The following RBMS1 variants were observed in gnomAD, a reference collection of about 807,000 sequenced individuals.
The protein encoded by RBMS1 is RNA-binding motif, single-stranded-interacting protein 1.
Under a neutral mutation model 62.3 loss-of-function variants are expected in RBMS1, and 17 were observed. The observed-to-expected ratio is 0.27, with a 90% confidence interval of 0.19 to 0.41. The LOEUF is 0.41. Ranked by LOEUF, RBMS1 falls within the 10% of genes least tolerant of loss-of-function variation. The pLI is 1.00. For missense variants in RBMS1, 334 were observed against 504.5 expected (o/e 0.66, Z 3.24); for synonymous variants, 172 against 170.0 (o/e 1.01, Z -0.09).
intron 1 of RBMS1, among the ~76,000 whole-genome samples, chr2:160,381,832 G>GCCTT (rs1276994174): frequency 6.6e-6 from 1 of 152,202 alleles, no homozygotes; most frequent in East Asian, 1.9e-4. Flanking sequence ...GAGTGACACG[G>GCCTT]CCTTCCTTCC....
intron 1 of RBMS1, among the ~76,000 whole-genome samples, chr2:160,408,161 C>T (rs1211707187): frequency 6.6e-6 from 1 of 151,896 alleles, no homozygotes; most frequent in Non-Finnish European, 1.5e-5. Context: ...AGCCAACCCC[C>T]CTCCTCTGTT....
intron 6 of RBMS1, among the ~76,000 whole-genome samples, chr2:160,292,918 G>A (rs995894645): frequency 6.6e-6 from 1 of 152,152 alleles, no homozygotes; most frequent in Non-Finnish European, 1.5e-5. Context: ...CTGCAAGACC[G>A]CCCTTGCCCC....
At chr2:160,397,181 C>T (rs1695193940) in intron 1 of RBMS1, among the ~76,000 whole-genome samples, 1 of 151,974 alleles carries the variant, frequency 6.6e-6, no homozygotes, top group Non-Finnish European at 1.5e-5. Flanking sequence ...TTGAGTCATC[C>T]TTGCACTCAT....
At chr2:160,486,315 G>A (rs1308270754) in intron 1 of RBMS1, among the ~76,000 whole-genome samples, 2 of 151,930 alleles carry the variant, frequency 1.3e-5, no homozygotes, top group African/African-American at 4.8e-5. Flanking sequence ...ACTCAAGTTC[G>A]GAGCATGGCA....
At chr2:160,336,433 T>G (rs1358075197) in intron 2 of RBMS1, among the ~76,000 whole-genome samples, 1 of 152,132 alleles carries the variant, frequency 6.6e-6, no homozygotes, top group Non-Finnish European at 1.5e-5. Context: ...GAACAGGATA[T>G]TGTATCCTGG....
chr2:160,402,138 T>TAAC (rs60400069), intron 1 of RBMS1: 118,322 of 151,406 alleles, frequency 0.78, 46,704 homozygotes, highest in East Asian at 0.92. Flanking sequence ...TTAGAAGGAT[T>TAAC]AACAACTACC....
chr2:160,385,671 T>A lies in RBMS1; in HGVS notation c.76-18280A>T, dbSNP rs114433230. On this transcript the variant is annotated intron_variant, in intron 1 of 13. Transcript: ENST00000348849. ...TCACTTAGGACAACTGAGAAGAGCA[T>A]CAGGAAGGGAATGTAGAGATGCCCA... 9.9e-3 allele frequency among the ~76,000 whole-genome samples: 1,501 copies of A among 152,294 alleles called. 15 individuals are homozygous for A. The highest frequency in any genetic ancestry group is 0.04 in the South Asian group (195 of 4,828).
At chr2:160,335,365 T>C (rs1475302034) in intron 2 of RBMS1, among the ~76,000 whole-genome samples, 1 of 152,142 alleles carries the variant, frequency 6.6e-6, no homozygotes, top group African/African-American at 2.4e-5. Flanking sequence ...GATTCACCAA[T>C]GGGCTGAGAT....
At chr2:160,392,715 G>A (rs1172537749) in intron 1 of RBMS1, among the ~76,000 whole-genome samples, 1 of 152,132 alleles carries the variant, frequency 6.6e-6, no homozygotes, top group Admixed American at 6.5e-5. Flanking sequence ...AACATAGTGA[G>A]ATCTTATCTC....
chr2:160,480,842 G>A (rs1418102196), intron 1 of RBMS1, among the ~76,000 whole-genome samples: 1 of 152,038 alleles, frequency 6.6e-6, no homozygotes, highest in Non-Finnish European at 1.5e-5. Flanking sequence ...TCCACTGGGA[G>A]GCCGAGGTGA....
intron 1 of RBMS1, among the ~76,000 whole-genome samples, chr2:160,455,850 A>AT: frequency 6.6e-6 from 1 of 151,664 alleles, no homozygotes; most frequent in African/African-American, 2.4e-5. Flanking sequence ...CGCCCGGCTA[A>AT]TTTTTTGTAT....
chr2:160,303,291 ATTG>A (rs773738654), intron 5 of RBMS1, 36 bp downstream of exon 5: 6 of 1,524,250 alleles, frequency 3.9e-6, no homozygotes, highest in Middle Eastern at 2.3e-4. Flanking sequence ...TGGCAAAGCT[ATTG>A]TTGTTGACAT....
In RBMS1 at chr2:160,480,594, T is replaced by C. The variant is rs116711906; in HGVS notation, c.75+12695A>G. ...ATAAGAGATATACCATCCTTAAAGT[T>C]TGGAAGATTCATTAGTGTTAATATA... is the stretch of plus-strand genomic sequence containing the variant. On this transcript the variant is annotated intron_variant, in intron 1 of 13. Transcript: ENST00000348849. Among the ~76,000 whole-genome samples, 1,268 of 152,288 alleles carry C rather than the reference T, an allele frequency of 8.3e-3. 22 individuals are homozygous for C. The highest frequency in any genetic ancestry group is 0.027 in the African/African-American group (1,124 of 41,544).
chr2:160,336,439 C>T (rs1474814835), intron 2 of RBMS1, among the ~76,000 whole-genome samples: 3 of 152,008 alleles, frequency 2.0e-5, no homozygotes, highest in Non-Finnish European at 4.4e-5. Flanking sequence ...GATATTGTAT[C>T]CTGGGAGACA....
At chr2:160,473,139 T>A (rs779023774) in intron 1 of RBMS1, among the ~76,000 whole-genome samples, 1 of 152,248 alleles carries the variant, frequency 6.6e-6, no homozygotes, top group Non-Finnish European at 1.5e-5. Flanking sequence ...TATACATTGT[T>A]TGCCTTGATT....
intron 1 of RBMS1, among the ~76,000 whole-genome samples, chr2:160,391,822 A>G (rs531840387): frequency 2.6e-5 from 4 of 152,290 alleles, no homozygotes; most frequent in South Asian, 2.1e-4. Context: ...CACTAAAAAT[A>G]CAAAAATTAG....
intron 1 of RBMS1, among the ~76,000 whole-genome samples, chr2:160,381,858 C>A (rs947426804): frequency 4.6e-5 from 7 of 152,242 alleles, no homozygotes; most frequent in Non-Finnish European, 1.0e-4. Context: ...CTAATACCAA[C>A]AGCACAGCAT....
At chr2:160,290,055 T>C (rs762466429) in intron 6 of RBMS1, among the ~76,000 whole-genome samples, 1 of 138,828 alleles carries the variant, frequency 7.2e-6, no homozygotes, top group Non-Finnish European at 1.6e-5. Context: ...GACCCACTTA[T>C]TTTTAAGTGT....
At chr2:160,275,832 C>A in intron 12 of RBMS1, 118 bp from the exon 13 acceptor site, 1 of 1,411,752 alleles carries the variant, frequency 7.1e-7, no homozygotes, top group East Asian at 2.4e-5. Flanking sequence ...AAGTAAATTT[C>A]TTCACGTCAT....
Sources: gnomAD v4.1 joint callset for allele counts (sites outside exome capture counted in the v4.1 genomes callset) on GRCh38, gnomAD v4.1.1 for gene constraint, MANE v1.5 for transcripts, NCBI Gene and HGNC (gene_info 2026-07-23, HGNC 2026-07-21) for gene names.